Variants in CNKSR2 observed in about 807,000 individuals in gnomAD.
The protein encoded by CNKSR2 is CNK homolog protein 2.
A neutral mutation model predicts 84.4 loss-of-function variants in CNKSR2; 14 were observed. The observed-to-expected ratio is 0.17, with a 90% CI of 0.11 to 0.26. The LOEUF (loss-of-function observed/expected upper bound fraction) is 0.26. Ranked by LOEUF, CNKSR2 falls within the 10% of genes least tolerant of loss-of-function variation. The pLI is 1.00. For synonymous variants in CNKSR2, 275 were observed against 277.9 expected, an observed-to-expected ratio of 0.99 and a Z score of 0.10; for missense variants, 485 against 771.2, an observed-to-expected ratio of 0.63 and a Z score of 4.40.
At chrX:21,591,398 A>C (rs1346752748) in intron 15 of CNKSR2, 1 of 274,947 alleles carries the variant, frequency 3.6e-6, no homozygotes, top group East Asian at 5.7e-5. Flanking sequence ...TAATGTAGCA[A>C]CATATCTGAA....
chrX:21,433,730 G>A (rs1441750152), intron 3 of CNKSR2, among the ~76,000 whole-genome samples: 2 of 107,022 alleles, frequency 1.9e-5, no homozygotes, highest in African/African-American at 3.4e-5. Context: ...AAAAACATGA[G>A]GCCTTATATT....
intron 4 of CNKSR2, among the ~76,000 whole-genome samples, chrX:21,462,030 G>A (rs778269310): frequency 1.8e-5 from 2 of 111,689 alleles, no homozygotes; most frequent in East Asian, 5.6e-4. Context: ...TTGTGGTTCC[G>A]TATACATTTT....
intron 13 of CNKSR2, among the ~76,000 whole-genome samples, chrX:21,573,853 TACTC>T (rs2092301164): frequency 8.9e-6 from 1 of 112,190 alleles, no homozygotes; most frequent in Non-Finnish European, 1.9e-5. Context: ...GGCTCCTTGT[TACTC>T]ATGCAAATTT....
intron 5 of CNKSR2, among the ~76,000 whole-genome samples, chrX:21,485,579 GA>G (rs200785514): frequency 4.5e-5 from 5 of 109,952 alleles, no homozygotes; most frequent in Non-Finnish European, 7.6e-5. Flanking sequence ...AACTACCTGA[GA>G]AAAAAAACAC....
intron 1 of CNKSR2, among the ~76,000 whole-genome samples, chrX:21,384,919 A>G (rs2146952188): frequency 8.9e-6 from 1 of 111,759 alleles, no homozygotes; most frequent in South Asian, 3.7e-4. Context: ...AGAGTTATTA[A>G]CACCTTTTTA....
intron 4 of CNKSR2, among the ~76,000 whole-genome samples, chrX:21,452,753 C>CTTATTTGATT: frequency 1.2e-5 from 1 of 86,841 alleles, no homozygotes; most frequent in Non-Finnish European, 2.2e-5. Context: ...ACAAGCATGA[C>CTTATTTGATT]TTATTTTATT....
At chrX:21,573,824 G>A (rs1026829691) in intron 13 of CNKSR2, among the ~76,000 whole-genome samples, 9 of 111,819 alleles carry the variant, frequency 8.0e-5, no homozygotes, top group African/African-American at 2.9e-4. Flanking sequence ...TTTCCCCATT[G>A]TTTTGGTGAT....
chrX:21,549,800 C>T (rs1306237884), intron 11 of CNKSR2, among the ~76,000 whole-genome samples: 2 of 111,976 alleles, frequency 1.8e-5, no homozygotes, highest in Non-Finnish European at 1.9e-5. Context: ...ACAAGCCTGA[C>T]AAAAACAAGC....
Position 21,495,815 on chromosome X carries a change from A to C in CNKSR2, c.682-1972A>C, listed in dbSNP as rs1266265958. 4.0e-5 allele frequency: 4 copies of C among 100,615 alleles called. 1 individual carries two copies. The highest frequency in any genetic ancestry group is 1.4e-4 in the African/African-American group (4 of 27,616). The allele number at this position is 100,615 out of a possible 1,213,427, so 8.3% of individuals were successfully genotyped here. On this transcript the variant is annotated intron_variant, in intron 6 of 21. Transcript: ENST00000379510. ...AAAAAAAAAAAAAAAAAAAAAAAAA[A>C]AAAAAAACACGAAAAATTTACTCTC...
intron 2 of CNKSR2, chrX:21,428,377 T>A (rs1433693804): frequency 5.4e-5 from 6 of 112,079 alleles, no homozygotes; most frequent in African/African-American, 9.7e-5. Context: ...TTCGTCTACC[T>A]TGTCTTGAAG....
intron 9 of CNKSR2, among the ~76,000 whole-genome samples, chrX:21,520,079 T>G (rs2147102222): frequency 9.0e-6 from 1 of 111,512 alleles, no homozygotes; most frequent in Non-Finnish European, 1.9e-5. Context: ...TCTTTTGAAA[T>G]TCATTGATGA....
chrX:21,525,915 T>C (rs929330958), intron 9 of CNKSR2, among the ~76,000 whole-genome samples: 3 of 111,105 alleles, frequency 2.7e-5, no homozygotes, highest in Admixed American at 1.9e-4. Flanking sequence ...AATGTGTTAA[T>C]TGTATACATA....
intron 20 of CNKSR2, among the ~76,000 whole-genome samples, chrX:21,626,884 T>C (rs1019242175): frequency 9.0e-6 from 1 of 111,661 alleles, no homozygotes; most frequent in Non-Finnish European, 1.9e-5. Flanking sequence ...GGGGTCCAAA[T>C]TGGATAAGGA....
intron 1 of CNKSR2, among the ~76,000 whole-genome samples, chrX:21,411,059 T>C (rs772381434): frequency 6.0e-4 from 67 of 111,438 alleles, no homozygotes; most frequent in African/African-American, 2.0e-3. Flanking sequence ...ATTATTTCAG[T>C]CATATTTAAT....
At chrX:21,425,446 G>C (rs1189423185) in intron 1 of CNKSR2, 1 of 111,635 alleles carries the variant, frequency 9.0e-6, no homozygotes, top group Non-Finnish European at 1.9e-5. Flanking sequence ...ACTGCTTTTA[G>C]GACTGACTCA....
intron 20 of CNKSR2, among the ~76,000 whole-genome samples, chrX:21,619,036 G>A (rs958623908): frequency 3.6e-5 from 4 of 111,548 alleles, no homozygotes; most frequent in African/African-American, 6.5e-5. Context: ...ATTGAGAGAT[G>A]GTGCAAGATA....
At chrX:21,635,789 A>G (rs1285128409) in intron 20 of CNKSR2, among the ~76,000 whole-genome samples, 1 of 110,655 alleles carries the variant, frequency 9.0e-6, no homozygotes, top group East Asian at 2.8e-4. Context: ...AAGTGAACAT[A>G]CTAAATGTAT....
chrX:21,517,959 G>A lies in CNKSR2; in HGVS notation c.957+1328G>A, dbSNP rs190682403. ...TTTAAAACTTTACTACTTATTGGCC[G>A]TTGGCATTATACTTAATATAAAAAC... On this transcript the variant is annotated intron_variant, in intron 9 of 21. Coordinates refer to ENST00000379510, the MANE Select transcript of CNKSR2 (RefSeq NM_014927.5). 3.0e-4 allele frequency among the ~76,000 whole-genome samples: 34 copies of A among 111,507 alleles called. No individual in the cohort carries two copies. In the East Asian group the frequency reaches 6.2e-3, roughly 20 times the overall value.
intron 9 of CNKSR2, among the ~76,000 whole-genome samples, chrX:21,520,043 A>G (rs1304231183): frequency 9.0e-6 from 1 of 111,647 alleles, no homozygotes; most frequent in Non-Finnish European, 1.9e-5. Context: ...TTGATTAACT[A>G]CAATGATGAA....
Sources: gnomAD v4.1 joint callset for allele counts (sites outside exome capture counted in the v4.1 genomes callset) on GRCh38, gnomAD v4.1.1 for gene constraint, MANE v1.5 for transcripts, NCBI Gene and HGNC (gene_info 2026-07-23, HGNC 2026-07-21) for gene names.